The following AP1S1 variants were observed in gnomAD, a reference collection of about 807,000 sequenced individuals.
AP1S1 encodes AP-1 complex subunit sigma-1A.
In AP1S1, 13 loss-of-function variants were observed where a neutral mutation model predicts 23.9. The ratio of observed to expected loss-of-function variants is 0.54; its 90% CI spans 0.35 to 0.86. The LOEUF is 0.86. AP1S1 is among the 40% of genes least tolerant of loss of function. The pLI is 0.01. For missense variants in AP1S1, 119 were observed against 197.6 expected, an observed-to-expected ratio of 0.60 and a Z score of 2.38; for synonymous variants, 84 against 77.7, an observed-to-expected ratio of 1.08 and a Z score of -0.43.
intron 1 of AP1S1, chr7:101,154,910 C>T: frequency 9.3e-7 from 1 of 1,076,374 alleles, no homozygotes; most frequent in Non-Finnish European, 1.1e-6. Context: ...CCTTCCCGGG[C>T]TGCACAGGCG....
rs748645555 is a variant in AP1S1, at chr7:101,154,513, G to GGA, written c.-1_1dup. On this transcript the variant is annotated 5_prime_UTR_variant, in exon 1 of 5. Transcript: ENST00000337619. ...GGGACGCGCCGAGCCGGAGGCTGCA[G>GGA]GATGGTAGGCTGTGCGAAGAGGGAG... The GGA allele has an allele frequency of 3.2e-6, 5 of 1,573,590 alleles. No homozygotes were observed. The African/African-American group carries it at 6.7e-5, about 21-fold the overall frequency.
intron 1 of AP1S1, among the ~76,000 whole-genome samples, chr7:101,156,084 T>C (rs955694111): frequency 6.6e-6 from 1 of 151,912 alleles, no homozygotes; most frequent in Non-Finnish European, 1.5e-5. Context: ...ATACAAATAT[T>C]AGCCGGGCGT....
chr7:101,157,202 A>G (rs1797006363), intron 2 of AP1S1, among the ~76,000 whole-genome samples, 175 bp from the exon 3 acceptor site: 1 of 152,210 alleles, frequency 6.6e-6, no homozygotes, highest in Non-Finnish European at 1.5e-5. Flanking sequence ...CGTTCTTTGC[A>G]TGTTTTTAAG....
rs1362072037 is a variant in AP1S1, at chr7:101,154,490, G to C, written c.-25G>C. The stretch of plus-strand genomic sequence containing the variant: ...CTGGCGCCTACGGTGGCCGAAGTGG[G>C]ACGCGCCGAGCCGGAGGCTGCAGGA... On this transcript the variant is annotated 5_prime_UTR_variant, in exon 1 of 5. Transcript: ENST00000337619. 2 of 1,572,520 alleles carry C rather than the reference G, an allele frequency of 1.3e-6. No homozygotes were observed. Among genetic ancestry groups the C allele is most frequent in the South Asian group, 2.3e-5 (2 of 85,420 alleles).
chr7:101,157,948 G>A (rs1797020663), intron 3 of AP1S1, among the ~76,000 whole-genome samples: 2 of 152,040 alleles, frequency 1.3e-5, no homozygotes, highest in African/African-American at 4.8e-5. Flanking sequence ...ACTATGCCCA[G>A]CTAATTTTTG....
Position 101,157,380 on chromosome 7 carries a change from T to C in AP1S1, c.186T>C (p.Tyr62=), listed in dbSNP as rs981747624. 14 of 1,568,266 alleles carry C rather than the reference T, an allele frequency of 8.9e-6. No individual in the cohort carries two copies. Among genetic ancestry groups the C allele is most frequent in the Admixed American group, 5.6e-5 (3 of 53,158 alleles). Residue 62 remains tyrosine, a synonymous_variant, in exon 3 of 5, where the codon TAT becomes TAC. Transcript: ENST00000337619. The stretch of plus-strand genomic sequence containing the variant: ...TCTCATGCGCTCCTCTCCGCAGATA[T>C]GCCAGCCTCTACTTCTGCTGCGCCA... ...WRDLKVVYKR[Y]ASLYFCCAIE...
In AP1S1 at chr7:101,157,470, C is replaced by T. The variant is rs1313807037; in HGVS notation, c.276C>T (p.Asp92=). ...TCCACCGATACGTGGAGCTCTTAGA[C>T]AAATACTTTGGCAGTGTAAGTCTCC... The part of the protein sequence containing the change: ...ELIHRYVELL[D]KYFGSVCELD... Residue 92 remains aspartate, a synonymous_variant, in exon 3 of 5, where the codon GAC becomes GAT. Coordinates refer to ENST00000337619, the MANE Select transcript of AP1S1 (RefSeq NM_001283.5). 6.4e-7 allele frequency: 1 copy of T among 1,562,754 alleles called. No individual in the cohort carries two copies. Among genetic ancestry groups the T allele is most frequent in the African/African-American group, 1.4e-5 (1 of 73,610 alleles).
intron 1 of AP1S1, among the ~76,000 whole-genome samples, chr7:101,155,970 C>T (rs1796985581): frequency 6.6e-6 from 1 of 152,164 alleles, no homozygotes; most frequent in African/African-American, 2.4e-5. Context: ...GTGGCTCATG[C>T]CTTAATGCCA....
Position 101,159,073 on chromosome 7 carries a change from C to T in AP1S1, c.306C>T (p.Asp102=), listed in dbSNP as rs1797042104. 1.9e-6 allele frequency: 3 copies of T among 1,613,670 alleles called. No homozygotes were observed. The highest frequency in any genetic ancestry group is 2.5e-6 in the Non-Finnish European group (3 of 1,179,782). ...DKYFGSVCEL[D]IIFNFEKAYF... Reference sequence around the variant, plus strand: ...CGCCCTCCCAGGTGTGCGAGCTGGACATCATCTTCAACTTTGAGAAGGCCT... The same window carrying T: ...CGCCCTCCCAGGTGTGCGAGCTGGATATCATCTTCAACTTTGAGAAGGCCT... Residue 102 remains aspartate, a synonymous_variant, in exon 4 of 5, where the codon GAC becomes GAT. Coordinates refer to ENST00000337619, the MANE Select transcript of AP1S1 (RefSeq NM_001283.5).
intron 2 of AP1S1, among the ~76,000 whole-genome samples, chr7:101,157,097 T>G (rs1316952782): frequency 6.6e-6 from 1 of 152,094 alleles, no homozygotes; most frequent in Non-Finnish European, 1.5e-5. Flanking sequence ...CACACACCCT[T>G]TCCGGTTCCT....
At chr7:101,158,011 T>C (rs573008794) in intron 3 of AP1S1, among the ~76,000 whole-genome samples, 1 of 152,102 alleles carries the variant, frequency 6.6e-6, no homozygotes, top group South Asian at 2.1e-4. Context: ...GCTGGGTCTC[T>C]AACTCTGGGG....
intron 1 of AP1S1, among the ~76,000 whole-genome samples, chr7:101,155,783 C>G (rs1392063541): frequency 6.6e-6 from 1 of 152,136 alleles, no homozygotes; most frequent in Non-Finnish European, 1.5e-5. Flanking sequence ...GACAAAATAC[C>G]AGATTTCAGC....
chr7:101,157,417 G>C lies in AP1S1; in HGVS notation c.223G>C (p.Asp75His). The change falls in exon 3 of 5, where the codon GAC becomes CAC. Residue 75 changes from aspartate to histidine, a missense_variant. Coordinates refer to ENST00000337619, the MANE Select transcript of AP1S1 (RefSeq NM_001283.5). ...CTTCTGCTGCGCCATCGAGGGCCAA[G>C]ACAATGAGCTCATCACACTGGAGCT... ...LYFCCAIEGQ[D>H]NELITLELIH... The C allele has an allele frequency of 6.3e-7, 1 of 1,582,890 alleles. No homozygotes were observed. The highest frequency in any genetic ancestry group is 1.2e-5 in the South Asian group (1 of 86,120).
In AP1S1 at chr7:101,160,740, C is replaced by T; in HGVS notation, c.*174C>T. On this transcript the variant is annotated 3_prime_UTR_variant, in exon 5 of 5. Transcript: ENST00000337619. ...TTCAAACATTCCCTCCCTCCACCCC[C>T]TACCTCCACTTTCCCCTTTTCCCAC... 2.6e-6 allele frequency: 2 copies of T among 781,792 alleles called. No individual in the cohort carries two copies. The highest frequency in any genetic ancestry group is 4.4e-6 in the Non-Finnish European group (2 of 455,290). The allele number at this position is 781,792 out of a possible 1,614,324, so 48.4% of individuals were successfully genotyped here.
In AP1S1 at chr7:101,157,395, C is replaced by G. The variant is rs77920250; in HGVS notation, c.201C>G (p.Phe67Leu). ...VVYKRYASLY[F>L]CCAIEGQDNE... ...TCCGCAGATATGCCAGCCTCTACTTCTGCTGCGCCATCGAGGGCCAAGACA... is the reference window on the plus strand; with the variant it reads ...TCCGCAGATATGCCAGCCTCTACTTGTGCTGCGCCATCGAGGGCCAAGACA... The change falls in exon 3 of 5, where the codon TTC (phenylalanine) becomes TTG (leucine). Residue 67 changes from phenylalanine (F) to leucine (L), a missense_variant. By Grantham distance (22) the Phe-to-Leu change is conservative (BLOSUM62 0). Coordinates refer to ENST00000337619, the MANE Select transcript of AP1S1 (RefSeq NM_001283.5). 4 of 1,577,518 alleles carry G rather than the reference C, an allele frequency of 2.5e-6. No homozygotes were observed. The highest frequency in any genetic ancestry group is 3.4e-6 in the Non-Finnish European group (4 of 1,161,618).
At chr7:101,156,845 CGTCCTGTAG>C (rs1031852102) in intron 2 of AP1S1, 73 bp downstream of exon 2, 2 of 1,358,214 alleles carry the variant, frequency 1.5e-6, no homozygotes, top group Non-Finnish European at 1.9e-6. Flanking sequence ...GAGAAATGGT[CGTCCTGTAG>C]GTCAGGGAGA....
Position 101,156,589 on chromosome 7 carries a change from C to T in AP1S1, c.4-5C>T, listed in dbSNP as rs749720088. 6.2e-7 allele frequency: 1 copy of T among 1,609,986 alleles called. No homozygotes were observed. Among genetic ancestry groups the T allele is most frequent in the South Asian group, 1.1e-5 (1 of 90,002 alleles). The stretch of plus-strand genomic sequence containing the variant: ...CCCTCGGTTCTGCCCTCCCATCCCC[C>T]ACAGATGCGGTTCATGCTATTATTC... On this transcript the variant is annotated splice_polypyrimidine_tract_variant and splice_region_variant and intron_variant, in intron 1 of 4. Transcript: ENST00000337619.
chr7:101,157,550 G>A lies in AP1S1; in HGVS notation c.291+65G>A, dbSNP rs551254138. 24 of 1,293,724 alleles carry A rather than the reference G, an allele frequency of 1.9e-5. No individual in the cohort carries two copies. In the South Asian group the frequency reaches 2.6e-4, roughly 14 times the overall value. 80.1% of individuals were successfully genotyped at this position (1,293,724 alleles called of 1,614,324 possible). A position where few individuals can be genotyped will look rare whatever the true frequency, so the allele number is the denominator to read the frequency against. On this transcript the variant is annotated intron_variant, in intron 3 of 4. Coordinates refer to ENST00000337619, the MANE Select transcript of AP1S1 (RefSeq NM_001283.5). ...CCCCTTTGGTAATCCACCAAACTTT[G>A]AGGCCCCTCCAGTCTCTGCCCTGGA... is the stretch of plus-strand genomic sequence containing the variant.
At position 101,159,049 on chromosome 7, in the gene AP1S1, G is replaced by A. The variant is rs373743650; in HGVS notation, c.292-10G>A. 172 of 1,611,618 alleles carry A rather than the reference G, an allele frequency of 1.1e-4. No homozygotes were observed. The highest frequency in any genetic ancestry group is 1.3e-4 in the East Asian group (6 of 44,726). On this transcript the variant is annotated splice_polypyrimidine_tract_variant and intron_variant, in intron 3 of 4. Coordinates refer to ENST00000337619, the MANE Select transcript of AP1S1 (RefSeq NM_001283.5). ...TCCATGCTCAACTTAGCCTCTCCCC[G>A]CCCTCCCAGGTGTGCGAGCTGGACA...
Sources: allele counts gnomAD v4.1 joint callset (sites outside exome capture counted in the v4.1 genomes callset), GRCh38; gene constraint gnomAD v4.1.1; transcripts MANE v1.5; gene names NCBI Gene and HGNC (gene_info 2026-07-23, HGNC 2026-07-21).